The following PFAS variants were observed in gnomAD, a reference collection of about 807,000 sequenced individuals.
PFAS encodes phosphoribosylformylglycinamidine synthase.
In PFAS, 97 loss-of-function variants were observed where a neutral mutation model predicts 140.6. That is an observed-to-expected ratio of 0.69 (90% CI 0.59 to 0.82). The LOEUF (loss-of-function observed/expected upper bound fraction) is 0.82. Ranked by LOEUF, PFAS falls within the 40% of genes least tolerant of loss-of-function variation. The probability of loss-of-function intolerance (pLI) is 0.00; values close to 1 mark genes in which losing one functional copy is unlikely to be tolerated. For missense variants in PFAS, 1,656 were observed against 1,780.2 expected (o/e 0.93, Z 1.26); for synonymous variants, 679 against 718.8 (o/e 0.94, Z 0.88).
At chr17:8,247,775 A>C, upstream of PFAS, 1 of 569,014 alleles carries the variant, frequency 1.8e-6, no homozygotes. Context: ...ATTAAACCCT[A>C]GAGAGTGAAC....
At chr17:8,248,645 C>T (rs1389272310), upstream of PFAS, among the ~76,000 whole-genome samples, 3 of 151,940 alleles carry the variant, frequency 2.0e-5, no homozygotes, top group East Asian at 5.8e-4. Flanking sequence ...GCAGCCTCGA[C>T]CTCCCGGGCT....
chr17:8,251,494 C>T (rs1376528572), intron 1 of PFAS, among the ~76,000 whole-genome samples: 1 of 151,452 alleles, frequency 6.6e-6, no homozygotes, highest in Non-Finnish European at 1.5e-5. Context: ...CCATGTTGCC[C>T]AGGGCTGGTC....
intron 15 of PFAS, 59 bp from the exon 16 acceptor site, chr17:8,264,153 C>A: frequency 6.2e-7 from 1 of 1,602,356 alleles, no homozygotes; most frequent in East Asian, 2.2e-5. Flanking sequence ...TTTCTAGGAA[C>A]ATTCCTTGCT....
chr17:8,249,662 T>C (rs1989064756), intron 1 of PFAS, among the ~76,000 whole-genome samples: 1 of 152,156 alleles, frequency 6.6e-6, no homozygotes, highest in South Asian at 2.1e-4. Context: ...GCAAACCCTG[T>C]CTCTGAGCTC....
chr17:8,254,961 G>C (rs1367770986), intron 3 of PFAS, 66 bp from the exon 4 acceptor site: 15 of 1,128,912 alleles, frequency 1.3e-5, no homozygotes, highest in Non-Finnish European at 2.0e-5. Flanking sequence ...CAGTAGGCAG[G>C]ATCCACCCTC....
In PFAS at chr17:8,266,473, T is replaced by C. The variant is rs751656573; in HGVS notation, c.2821+120T>C. Reference sequence around the variant, plus strand: ...CCCCTTTCCCTGAGTCTTCCCTGACTAGCTTTTCTGTGCTGTCTCTCTGAC... The same window carrying C: ...CCCCTTTCCCTGAGTCTTCCCTGACCAGCTTTTCTGTGCTGTCTCTCTGAC... On this transcript the variant is annotated intron_variant, in intron 22 of 27. Coordinates refer to ENST00000314666, the MANE Select transcript of PFAS (RefSeq NM_012393.3). The surrounding 1 kb of genome is among the most constrained non-coding windows in gnomAD (Gnocchi z 5.0). The C allele has an allele frequency of 1.1e-5, 17 of 1,515,774 alleles. No individual in the cohort carries two copies. The highest frequency in any genetic ancestry group is 9.2e-5 in the South Asian group (7 of 75,930). 93.9% of individuals were successfully genotyped at this position (1,515,774 alleles called of 1,614,324 possible).
rs148666996 is a variant in PFAS at position 8,257,005 on chromosome 17, C to G, written c.1075+42C>G. ...CTCTATCCACCTTCCCTTCCAGATT[C>G]CTTGTCCTGGCAGGCAGCAAACTTC... On this transcript the variant is annotated intron_variant, in intron 9 of 27. Coordinates refer to ENST00000314666, the MANE Select transcript of PFAS (RefSeq NM_012393.3). 454 of 1,609,040 alleles carry G rather than the reference C, an allele frequency of 2.8e-4. 2 individuals carry two copies. The Middle Eastern group carries it at 3.0e-3, about 11-fold the overall frequency.
chr17:8,255,810 G>A lies in PFAS; in HGVS notation c.580G>A (p.Ala194Thr), dbSNP rs1472903162. The A allele has an allele frequency of 1.9e-6, 3 of 1,613,772 alleles. No homozygotes were observed. The highest frequency in any genetic ancestry group is 2.2e-5 in the East Asian group (1 of 44,874). ...TTCCTGGATTTGTCTCCTAGGTCTGGCTTTAGACTCTTGGGACCTAGACTT... is the reference window on the plus strand; with the variant it reads ...TTCCTGGATTTGTCTCCTAGGTCTGACTTTAGACTCTTGGGACCTAGACTT... ...LEKANQELGL[A>T]LDSWDLDFYT... The change falls in exon 6 of 28, where the codon GCT becomes ACT. Residue 194 changes from alanine (A) to threonine (T), a missense_variant. Physicochemically the swap from Ala to Thr is moderately conservative, Grantham distance 58. Transcript: ENST00000314666.
Position 8,264,223 on chromosome 17 carries a change from G to GGAC in PFAS, c.1806_1808dup (p.Asp603dup). The stretch of plus-strand genomic sequence containing the variant: ...CCTGTGGTCTATAGATAGTGCTGGT[G>GGAC]GACGATCGGGAGTGTCCTGTCAGAA... On this transcript the variant is annotated inframe_insertion, in exon 16 of 28. Coordinates refer to ENST00000314666, the MANE Select transcript of PFAS (RefSeq NM_012393.3). 1 of 1,614,042 alleles carries GGAC rather than the reference G, an allele frequency of 6.2e-7. No homozygotes were observed. Among genetic ancestry groups the GGAC allele is most frequent in the Non-Finnish European group, 8.5e-7 (1 of 1,179,980 alleles).
intron 3 of PFAS, 113 bp downstream of exon 3, chr17:8,254,414 C>T (rs1228376180): frequency 1.6e-6 from 2 of 1,245,010 alleles, no homozygotes; most frequent in Non-Finnish European, 1.1e-6. Context: ...TAGGAAACCA[C>T]ACATGTGCTT....
chr17:8,256,410 G>A lies in PFAS; in HGVS notation c.821+3G>A. The A allele has an allele frequency of 1.2e-6, 2 of 1,614,058 alleles. No homozygotes were observed. The highest frequency in any genetic ancestry group is 1.7e-6 in the Non-Finnish European group (2 of 1,180,020). ...CTCAAATTCTGTGATAACAGCAGGT[G>A]CTGTGCCCTAGACTGGGTTGGCGTC... On this transcript the variant is annotated splice_donor_region_variant and intron_variant, in intron 7 of 27. Transcript: ENST00000314666.
intron 11 of PFAS, among the ~76,000 whole-genome samples, chr17:8,259,646 G>A (rs1213951937): frequency 6.6e-6 from 1 of 152,044 alleles, no homozygotes; most frequent in African/African-American, 2.4e-5. Flanking sequence ...AACTTAGCTG[G>A]ATATGGTGGT....
chr17:8,268,824 C>A lies in PFAS; in HGVS notation c.3674C>A (p.Ala1225Asp). 6.2e-7 allele frequency: 1 copy of A among 1,607,670 alleles called. No individual in the cohort carries two copies. The highest frequency in any genetic ancestry group is 8.5e-7 in the Non-Finnish European group (1 of 1,179,802). The change falls in exon 27 of 28, where the codon GCC (alanine) becomes GAC (aspartate). Residue 1225 changes from alanine (A) to aspartate (D), a missense_variant. Coordinates refer to ENST00000314666, the MANE Select transcript of PFAS (RefSeq NM_012393.3). ...PALMLRGMEG[A>D]VLPVWSAHGE... ...CTGATGCTGCGAGGGATGGAGGGCG[C>A]CGTGCTGCCCGTGTGGAGTGCGCAC...
chr17:8,269,373 A>T lies in PFAS; in HGVS notation c.*109A>T. 1 of 764,368 alleles carries T rather than the reference A, an allele frequency of 1.3e-6. No individual in the cohort carries two copies. Among genetic ancestry groups the T allele is most frequent in the Non-Finnish European group, 2.1e-6 (1 of 473,756 alleles). 47.3% of individuals were successfully genotyped at this position (764,368 alleles called of 1,614,324 possible). ...CATATTATTTCCAAAAATATCTTGGACAGACAAGGACCAAAATGCCAAAAT... is the reference window on the plus strand; with the variant it reads ...CATATTATTTCCAAAAATATCTTGGTCAGACAAGGACCAAAATGCCAAAAT... On this transcript the variant is annotated 3_prime_UTR_variant, in exon 28 of 28. Transcript: ENST00000314666.
intron 11 of PFAS, 49 bp from the exon 12 acceptor site, chr17:8,262,871 T>A (rs1330404880): frequency 6.8e-7 from 1 of 1,470,810 alleles, no homozygotes; most frequent in Non-Finnish European, 9.5e-7. Context: ...TTTCGAGGCC[T>A]CTTCTCGTGG....
chr17:8,248,606 G>A (rs1031230509), upstream of PFAS, among the ~76,000 whole-genome samples: 1 of 151,646 alleles, frequency 6.6e-6, no homozygotes, highest in African/African-American at 2.4e-5. Context: ...CGCCCAGGCT[G>A]GAGTGCAGCG....
Position 8,267,790 on chromosome 17 carries a change from G to C in PFAS, c.3382+125G>C, listed in dbSNP as rs150729589. ...GAGCTACGAGAGAGTGGGCCCATTC[G>C]TTCTGGGCCACATGCCAACAGAAGG... is the stretch of plus-strand genomic sequence containing the variant. On this transcript the variant is annotated intron_variant, in intron 26 of 27. Coordinates refer to ENST00000314666, the MANE Select transcript of PFAS (RefSeq NM_012393.3). The surrounding 1 kb of genome is among the most constrained non-coding windows in gnomAD (Gnocchi z 4.9). 1.7e-3 allele frequency: 826 copies of C among 485,552 alleles called. 3 individuals carry two copies. The highest frequency in any genetic ancestry group is 3.8e-3 in the Admixed American group (99 of 26,170). The allele number at this position is 485,552 out of a possible 1,614,324, so 30.1% of individuals were successfully genotyped here. A position where few individuals can be genotyped will look rare whatever the true frequency, so the allele number is the denominator to read the frequency against.
chr17:8,255,596 G>C lies in PFAS; in HGVS notation c.479G>C (p.Ser160Thr). 2 of 1,576,128 alleles carry C rather than the reference G, an allele frequency of 1.3e-6. No homozygotes were observed. Among genetic ancestry groups the C allele is most frequent in the Non-Finnish European group, 1.7e-6 (2 of 1,164,516 alleles). ...CAGCACTTCCCCCATCCCATCCAGA[G>C]TTTCTCCCCTGAGAGCATGCCGGAA... ...TEQHFPHPIQ[S>T]FSPESMPEPL... The change falls in exon 5 of 28, where the codon AGT becomes ACT. Residue 160 changes from serine (S) to threonine (T), a missense_variant. By Grantham distance (58) the Ser-to-Thr change is moderately conservative. This residue lies in a region of PFAS where 773 missense variants were observed against 757.3 expected (regional missense o/e 1.02). Coordinates refer to ENST00000314666, the MANE Select transcript of PFAS (RefSeq NM_012393.3).
At chr17:8,260,258 C>G (rs1374958378) in intron 11 of PFAS, among the ~76,000 whole-genome samples, 1 of 152,074 alleles carries the variant, frequency 6.6e-6, no homozygotes, top group East Asian at 1.9e-4. Flanking sequence ...AATAGCATCA[C>G]CCACCAGCGT....
Sources: gnomAD v4.1 joint callset for allele counts (sites outside exome capture counted in the v4.1 genomes callset) on GRCh38, gnomAD v4.1.1 for gene constraint, gnomAD v4.1.1 regional missense constraint, Gnocchi (gnomAD v3.1) non-coding constraint, MANE v1.5 for transcripts, NCBI Gene and HGNC (gene_info 2026-07-23, HGNC 2026-07-21) for gene names.